CARS1: variants seen among roughly 807,000 people sequenced by gnomAD.
CARS1 encodes the protein cysteine--tRNA ligase, cytoplasmic.
Under a neutral mutation model 106.2 loss-of-function variants are expected in CARS1, and 48 were observed. The ratio of observed to expected loss-of-function variants is 0.45; its 90% CI spans 0.36 to 0.57. CARS1 has a LOEUF of 0.57. CARS1 is among the 20% of genes least tolerant of loss of function. The pLI, the probability that CARS1 is intolerant of heterozygous loss-of-function variation, is 0.00. For synonymous variants in CARS1, 409 were observed against 403.4 expected, an observed-to-expected ratio of 1.01 and a Z score of -0.17; for missense variants, 968 against 1,057.2, an observed-to-expected ratio of 0.92 and a Z score of 1.17.
At position 3,004,970 on chromosome 11, in the gene CARS1, C is replaced by T. The variant is rs1263449798; in HGVS notation, c.2217+396G>A. 6.6e-6 allele frequency among the ~76,000 whole-genome samples: 1 copy of T among 151,946 alleles called. No homozygotes were observed. Among genetic ancestry groups the T allele is most frequent in the African/African-American group, 2.4e-5 (1 of 41,356 alleles). Reference sequence around the variant, plus strand: ...AAAAAATACAAAAATTAGCTGGGCACAGTGGTGCGTGCCTGTAGTCCCAGC... The same window carrying T: ...AAAAAATACAAAAATTAGCTGGGCATAGTGGTGCGTGCCTGTAGTCCCAGC... On this transcript the variant is annotated intron_variant, in intron 20 of 22. Transcript: ENST00000380525. The surrounding 1 kb of genome is among the most constrained non-coding windows in gnomAD (Gnocchi z 5.2).
At chr11:3,051,426 G>A (rs192941603) in intron 1 of CARS1, among the ~76,000 whole-genome samples, 159 of 152,256 alleles carry the variant, frequency 1.0e-3, no homozygotes, top group Non-Finnish European at 1.8e-3. Context: ...ATGGAGATGC[G>A]CTCTCCTCCC....
At position 3,038,832 on chromosome 11, in the gene CARS1, G is replaced by C. The variant is rs779531253; in HGVS notation, c.651+362C>G. Among the ~76,000 whole-genome samples the C allele has an allele frequency of 3.3e-5, 5 of 152,218 alleles. No individual in the cohort carries two copies. The highest frequency in any genetic ancestry group is 4.8e-5 in the African/African-American group (2 of 41,450). ...AATTAAAAAGCTTAGTATAGCTTTT[G>C]TATCTTGGGCAGAAGTTTCTGATTT... is the stretch of plus-strand genomic sequence containing the variant. On this transcript the variant is annotated intron_variant, in intron 6 of 22. Transcript: ENST00000380525. The surrounding 1 kb of genome is among the most constrained non-coding windows in gnomAD (Gnocchi z 4.0).
chr11:3,019,358 C>T lies in CARS1; in HGVS notation c.1267-91G>A, dbSNP rs1851354255. On this transcript the variant is annotated intron_variant, in intron 11 of 22. Coordinates refer to ENST00000380525, the MANE Select transcript of CARS1 (RefSeq NM_001014437.3). This position sits in a 1 kb window ranked among gnomAD's most constrained non-coding sequence, Gnocchi z 6.2. ...CACTCCAAGTTGATGGCCCTTACAT[C>T]CTCTGAACTTTATTGGAACAAGCGT... is the stretch of plus-strand genomic sequence containing the variant. The T allele has an allele frequency of 1.3e-5, 16 of 1,274,722 alleles. No individual in the cohort carries two copies. The East Asian group carries it at 4.5e-4, about 36-fold the overall frequency. The allele number at this position is 1,274,722 out of a possible 1,614,324, so 79.0% of individuals were successfully genotyped here.
Position 3,015,916 on chromosome 11 carries a change from T to G in CARS1, c.1918-67A>C, listed in dbSNP as rs1182003018. On this transcript the variant is annotated intron_variant, in intron 16 of 22. Transcript: ENST00000380525. ...GAAGGCGGCATGTGGCGAGCAGCTG[T>G]GAGCTGTGTTCCTCGTTCACGGGAG... is the stretch of plus-strand genomic sequence containing the variant. The G allele has an allele frequency of 3.0e-6, 4 of 1,344,752 alleles. No homozygotes were observed. In the Admixed American group the frequency reaches 6.8e-5, roughly 23 times the overall value. The allele number at this position is 1,344,752 out of a possible 1,614,324, so 83.3% of individuals were successfully genotyped here.
In CARS1 at chr11:3,046,266, A is replaced by T. The variant is rs1354973651; in HGVS notation, c.274+1487T>A. Among the ~76,000 whole-genome samples the T allele has an allele frequency of 6.6e-6, 1 of 152,126 alleles. No individual in the cohort carries two copies. Among genetic ancestry groups the T allele is most frequent in the African/African-American group, 2.4e-5 (1 of 41,420 alleles). On this transcript the variant is annotated intron_variant, in intron 2 of 22. Coordinates refer to ENST00000380525, the MANE Select transcript of CARS1 (RefSeq NM_001014437.3). The surrounding 1 kb of genome is among the most constrained non-coding windows in gnomAD (Gnocchi z 5.8). ...GCCGCTCTTTCAACAAGTCCCTATG[A>T]GGGAAGCCTGGACAGGCCACTGCTG...
At position 3,045,313 on chromosome 11, in the gene CARS1, G is replaced by A. The variant is rs1854966495; in HGVS notation, c.274+2440C>T. On this transcript the variant is annotated intron_variant, in intron 2 of 22. Transcript: ENST00000380525. This position sits in a 1 kb window ranked among gnomAD's most constrained non-coding sequence, Gnocchi z 5.6. ...GGAGTCTCGCTCTGTCACCTAGGCT[G>A]GAGTACAGTGGCACGATCTCGGCTC... is the stretch of plus-strand genomic sequence containing the variant. 6.6e-6 allele frequency among the ~76,000 whole-genome samples: 1 copy of A among 152,122 alleles called. No homozygotes were observed. Among genetic ancestry groups the A allele is most frequent in the East Asian group, 1.9e-4 (1 of 5,184 alleles).
chr11:3,024,644 C>T (rs1851879042), intron 10 of CARS1, among the ~76,000 whole-genome samples: 2 of 152,030 alleles, frequency 1.3e-5, no homozygotes, highest in Non-Finnish European at 2.9e-5. Context: ...AAGGGGGTCT[C>T]CCTATGTTGC....
rs1483439814 is a variant in CARS1, at chr11:3,026,782, C to A, written c.1047G>T (p.Gly349=). 1.2e-6 allele frequency: 2 copies of A among 1,612,360 alleles called. No individual in the cohort carries two copies. The highest frequency in any genetic ancestry group is 1.1e-5 in the South Asian group (1 of 90,666). Residue 349 remains glycine, a synonymous_variant, in exon 10 of 23, where the codon GGG becomes GGT. Coordinates refer to ENST00000380525, the MANE Select transcript of CARS1 (RefSeq NM_001014437.3). ...ACTTCGCTGTATCAAAGTAGACAGA[C>A]CCATTGGAGACATAGCTGGAAAACA... is the stretch of plus-strand genomic sequence containing the variant. ...VDNGYGYVSN[G]SVYFDTAKFA... is the part of the protein sequence containing the mutation.
intron 2 of CARS1, among the ~76,000 whole-genome samples, chr11:3,042,930 C>T (rs1388238514): frequency 1.9e-5 from 2 of 103,926 alleles, no homozygotes; most frequent in African/African-American, 7.3e-5. Context: ...CTCCTCATCA[C>T]TTCGGACACT....
At chr11:3,025,305 A>G (rs1183319358) in intron 10 of CARS1, among the ~76,000 whole-genome samples, 2 of 152,148 alleles carry the variant, frequency 1.3e-5, no homozygotes, top group East Asian at 3.9e-4. Context: ...TTGGCTCACT[A>G]TAACCTCTGC....
intron 21 of CARS1, 88 bp downstream of exon 21, chr11:3,002,453 G>C (rs1401481101): frequency 1.3e-6 from 2 of 1,583,942 alleles, no homozygotes; most frequent in African/African-American, 2.7e-5. Context: ...CCTGGCTAAG[G>C]TCCACGGAGG....
In CARS1 at chr11:3,003,394, G is replaced by A. The variant is rs2239899; in HGVS notation, c.2218-794C>T. Among the ~76,000 whole-genome samples, 58,108 of 152,070 alleles carry A rather than the reference G, an allele frequency of 0.38. 11,409 individuals carry two copies. Among genetic ancestry groups the A allele is most frequent in the South Asian group, 0.4 (1,938 of 4,824 alleles). On this transcript the variant is annotated intron_variant, in intron 20 of 22. Coordinates refer to ENST00000380525, the MANE Select transcript of CARS1 (RefSeq NM_001014437.3). This position sits in a 1 kb window ranked among gnomAD's most constrained non-coding sequence, Gnocchi z 4.8. ...GGCAGGAAGGAGGAACAAGTTTGGGGAGTTGAAAATCACATTTACTTTGGA... is the reference window on the plus strand; with the variant it reads ...GGCAGGAAGGAGGAACAAGTTTGGGAAGTTGAAAATCACATTTACTTTGGA...
chr11:3,042,276 G>C lies in CARS1; in HGVS notation c.275-20C>G. On this transcript the variant is annotated intron_variant, in intron 2 of 22. Coordinates refer to ENST00000380525, the MANE Select transcript of CARS1 (RefSeq NM_001014437.3). ...CTTTGCCTGGGAGGCAGAGAGAGCA[G>C]GATCAGGGTCCAGGGGCAGCACCAG... 1 of 1,601,252 alleles carries C rather than the reference G, an allele frequency of 6.2e-7. No homozygotes were observed. Among genetic ancestry groups the C allele is most frequent in the Non-Finnish European group, 8.5e-7 (1 of 1,173,704 alleles).
rs148034466 is a variant in CARS1 at position 3,042,463 on chromosome 11, C to T, written c.275-207G>A. On this transcript the variant is annotated intron_variant, in intron 2 of 22. Coordinates refer to ENST00000380525, the MANE Select transcript of CARS1 (RefSeq NM_001014437.3). Reference sequence around the variant, plus strand: ...TTTTTTAGACGGAGTCTCGCTCTGTCGCCCAGGCCAGAGTGCAGTGGTGTG... The same window carrying T: ...TTTTTTAGACGGAGTCTCGCTCTGTTGCCCAGGCCAGAGTGCAGTGGTGTG... 1,253 of 547,976 alleles carry T rather than the reference C, an allele frequency of 2.3e-3. 18 individuals are homozygous for T. Among genetic ancestry groups the T allele is most frequent in the African/African-American group, 0.021 (1,118 of 52,054 alleles). 33.9% of individuals were successfully genotyped at this position (547,976 alleles called of 1,614,324 possible).
Position 3,017,352 on chromosome 11 carries a change from T to TC in CARS1, c.1728-58dup. 4 of 1,520,714 alleles carry TC rather than the reference T, an allele frequency of 2.6e-6. No homozygotes were observed. Among genetic ancestry groups the TC allele is most frequent in the Non-Finnish European group, 3.6e-6 (4 of 1,103,652 alleles). The allele number at this position is 1,520,714 out of a possible 1,614,324, so 94.2% of individuals were successfully genotyped here. On this transcript the variant is annotated intron_variant, in intron 15 of 22. Transcript: ENST00000380525. The surrounding 1 kb of genome is among the most constrained non-coding windows in gnomAD (Gnocchi z 4.9). ...AGACCTGAAAACACACCATAGAAAT[T>TC]CCCCATGTGGCCAGGCGCAGTGGCT...
In CARS1 at chr11:3,018,459, G is replaced by T; in HGVS notation, c.1578C>A (p.Asp526Glu). Residue 526 changes from aspartate (D) to glutamate (E), a missense_variant, in exon 14 of 23, where the codon GAC becomes GAA. Asp to Glu is a conservative substitution (Grantham distance 45). Coordinates refer to ENST00000380525, the MANE Select transcript of CARS1 (RefSeq NM_001014437.3). Reference protein sequence around the residue: ...FLMHSWKDTLDYSSNTMESAL... With the variant: ...FLMHSWKDTLEYSSNTMESAL... ...CTGACTCCATGGTGTTGCTGGAGTA[G>T]TCCAGGGTGTCCTTCCACGAGTGCA... 1 of 1,614,162 alleles carries T rather than the reference G, an allele frequency of 6.2e-7. No individual in the cohort carries two copies. The highest frequency in any genetic ancestry group is 8.5e-7 in the Non-Finnish European group (1 of 1,179,990).
At chr11:3,016,642 G>C (rs893214961) in intron 16 of CARS1, among the ~76,000 whole-genome samples, 2 of 152,030 alleles carry the variant, frequency 1.3e-5, no homozygotes, top group African/African-American at 4.8e-5. Context: ...TTTGAGACAG[G>C]GTCTCCCCTC....
Position 3,005,378 on chromosome 11 carries a change from TTCTC to T in CARS1, c.2201_2204del (p.Arg734LysfsTer32), listed in dbSNP as rs1427767772. 2.5e-6 allele frequency: 4 copies of T among 1,612,830 alleles called. No individual in the cohort carries two copies. The highest frequency in any genetic ancestry group is 1.3e-5 in the African/African-American group (1 of 74,906). ...TCACTTTACTCACCCGTCTCTTTTC[TTCTC>T]TCTCTTTTAATAAGGTGTTTCTGTC... On this transcript the variant is annotated frameshift_variant, in exon 20 of 23. Coordinates refer to ENST00000380525, the MANE Select transcript of CARS1 (RefSeq NM_001014437.3). LOFTEE classifies it high-confidence loss of function.
intron 7 of CARS1, chr11:3,031,159 T>A (rs1218939459): frequency 6.6e-6 from 1 of 152,128 alleles, no homozygotes; most frequent in African/African-American, 2.4e-5. Flanking sequence ...AAATATCCAA[T>A]AGGATAAGTA....
Sources: allele counts gnomAD v4.1 joint callset (sites outside exome capture counted in the v4.1 genomes callset), GRCh38; gene constraint gnomAD v4.1.1; non-coding constraint Gnocchi (gnomAD v3.1); transcripts MANE v1.5; gene names NCBI Gene and HGNC (gene_info 2026-07-23, HGNC 2026-07-21).